Variants in RTL9 observed in about 807,000 individuals in gnomAD.
The protein encoded by RTL9 is retrotransposon Gag-like protein 9.
A neutral mutation model predicts 44.7 loss-of-function variants in RTL9; 19 were observed. That is an observed-to-expected ratio of 0.42 (90% CI 0.30 to 0.62). The LOEUF (loss-of-function observed/expected upper bound fraction) is 0.62. Among genes scored for constraint, RTL9 ranks in the 20% least tolerant of loss-of-function variants. The pLI, the probability that RTL9 is intolerant of heterozygous loss-of-function variation, is 0.16. For missense variants in RTL9, 1,105 were observed against 1,080.6 expected (o/e 1.02, Z -0.32); for synonymous variants, 407 against 398.9 (o/e 1.02, Z -0.24).
In RTL9 at chrX:110,405,098, C is replaced by A. The variant is rs192380695; in HGVS notation, c.-167-40055C>A. On this transcript the variant is annotated intron_variant, in intron 1 of 2. Coordinates refer to the RTL9 transcript ENST00000520821. Reference sequence around the variant, plus strand: ...GGTGTGCTTGTTGTGTCCCCCCCCCCCCCAAGCATGAGTCAGAGCCTTTCA... The same window carrying A: ...GGTGTGCTTGTTGTGTCCCCCCCCCACCCAAGCATGAGTCAGAGCCTTTCA... Among the ~76,000 whole-genome samples, 12 of 101,674 alleles carry A rather than the reference C, an allele frequency of 1.2e-4. 1 individual carries two copies. The highest frequency in any genetic ancestry group is 5.1e-4 in the South Asian group (1 of 1,952). The allele number at this position is 101,674 out of a possible 115,157, so 88.3% of individuals were successfully genotyped here.
At chrX:110,369,131 G>C (rs1458831252) in intron 1 of RTL9, among the ~76,000 whole-genome samples, 2 of 111,695 alleles carry the variant, frequency 1.8e-5, no homozygotes. Flanking sequence ...AGGGAATTGA[G>C]ACCATCCTGG....
chrX:110,374,924 G>A (rs2068365813), intron 1 of RTL9, among the ~76,000 whole-genome samples: 1 of 111,175 alleles, frequency 9.0e-6, no homozygotes, highest in Non-Finnish European at 1.9e-5. Flanking sequence ...ATGGGCAATT[G>A]GAAGTCCCTT....
chrX:110,360,617 T>G (rs1381677794), intron 1 of RTL9, among the ~76,000 whole-genome samples: 2 of 111,912 alleles, frequency 1.8e-5, no homozygotes, highest in Non-Finnish European at 3.8e-5. Context: ...ATTTTCAAGT[T>G]TAAGCAAATG....
chrX:110,382,587 C>T (rs1185336476), intron 1 of RTL9, among the ~76,000 whole-genome samples: 1 of 111,942 alleles, frequency 8.9e-6, no homozygotes, highest in Non-Finnish European at 1.9e-5. Flanking sequence ...AGTCTCCCTG[C>T]ATTAGAAGGC....
At chrX:110,431,023 C>T (rs898483971) in intron 1 of RTL9, among the ~76,000 whole-genome samples, 1 of 111,935 alleles carries the variant, frequency 8.9e-6, no homozygotes, top group Non-Finnish European at 1.9e-5. Context: ...TTCATAGGCC[C>T]TGAGGCTGTC....
intron 1 of RTL9, among the ~76,000 whole-genome samples, chrX:110,391,053 C>G (rs2068490739): frequency 9.0e-6 from 1 of 111,591 alleles, no homozygotes; most frequent in African/African-American, 3.3e-5. Context: ...TTCTCTTTGC[C>G]TGTTTCCTTC....
At chrX:110,379,118 C>T (rs775378744) in intron 1 of RTL9, among the ~76,000 whole-genome samples, 1 of 111,876 alleles carries the variant, frequency 8.9e-6, no homozygotes, top group South Asian at 3.8e-4. Flanking sequence ...TCATGATACT[C>T]GTTATCATAC....
At chrX:110,389,698 A>G (rs2068481754) in intron 1 of RTL9, among the ~76,000 whole-genome samples, 1 of 109,922 alleles carries the variant, frequency 9.1e-6, no homozygotes, top group Non-Finnish European at 1.9e-5. Flanking sequence ...TGAGAGTTTG[A>G]TAGAAAGGAA....
chrX:110,404,366 C>T (rs2068584084), intron 1 of RTL9, among the ~76,000 whole-genome samples: 1 of 111,733 alleles, frequency 8.9e-6, no homozygotes, highest in South Asian at 3.8e-4. Context: ...AGCTATTACA[C>T]ATAATAGGCC....
upstream of RTL9, among the ~76,000 whole-genome samples, chrX:110,446,286 T>C (rs1336931971): frequency 9.0e-6 from 1 of 111,274 alleles, no homozygotes; most frequent in Non-Finnish European, 1.9e-5. Context: ...CTAGATTACT[T>C]ATGGAATTAC....
chrX:110,453,565 T>A, exon 1 of RTL9: 1 of 1,211,867 alleles, frequency 8.3e-7, no homozygotes, highest in Non-Finnish European at 1.1e-6. Context: ...ATGGAAACCA[T>A]GGCCTCTGGA....
At chrX:110,413,078 C>T (rs1569424709) in intron 1 of RTL9, among the ~76,000 whole-genome samples, 1 of 111,668 alleles carries the variant, frequency 9.0e-6, no homozygotes, top group East Asian at 2.8e-4. Context: ...TGCTCGTCAT[C>T]TGTCCTCTCC....
At chrX:110,386,527 A>G (rs2068456321) in intron 1 of RTL9, among the ~76,000 whole-genome samples, 1 of 110,812 alleles carries the variant, frequency 9.0e-6, no homozygotes, top group Non-Finnish European at 1.9e-5. Context: ...CCATTTTTAA[A>G]TTGGGTTGTC....
upstream of RTL9, among the ~76,000 whole-genome samples, chrX:110,417,556 C>A (rs948205157): frequency 3.6e-5 from 4 of 111,899 alleles, no homozygotes; most frequent in Admixed American, 3.8e-4. Flanking sequence ...ATCTTCCCAG[C>A]AGGTTTTGTG....
chrX:110,410,527 G>T (rs1012110589), intron 1 of RTL9, among the ~76,000 whole-genome samples: 1 of 111,701 alleles, frequency 9.0e-6, no homozygotes, highest in Non-Finnish European at 1.9e-5. Context: ...GTAACTGAGG[G>T]AAAATAGGAG....
intron 1 of RTL9, among the ~76,000 whole-genome samples, chrX:110,365,270 T>C (rs1251380180): frequency 8.9e-6 from 1 of 111,801 alleles, no homozygotes; most frequent in Non-Finnish European, 1.9e-5. Flanking sequence ...GAGCCTGCAT[T>C]TTAAAACAAG....
chrX:110,454,040 C>T lies in RTL9; in HGVS notation c.3423C>T (p.Phe1141=), dbSNP rs754291618. Reference sequence around the variant, plus strand: ...CACCACCAAAGGAAGTGCCATCCTTCGGAATGTTGACCCCAGCACTCTGCT... The same window carrying T: ...CACCACCAAAGGAAGTGCCATCCTTTGGAATGTTGACCCCAGCACTCTGCT... The change falls in exon 1 of 2, where the codon TTC becomes TTT. Residue 1141 remains phenylalanine, a synonymous_variant. Transcript: ENST00000540313. The T allele has an allele frequency of 3.9e-5, 47 of 1,210,371 alleles. No individual in the cohort carries two copies. The Middle Eastern group carries it at 6.9e-4, about 18-fold the overall frequency.
chrX:110,423,139 C>A, intron 1 of RTL9, among the ~76,000 whole-genome samples: 1 of 111,074 alleles, frequency 9.0e-6, no homozygotes, highest in East Asian at 2.8e-4. Flanking sequence ...ACCAGCCTGG[C>A]CAACATGGCG....
chrX:110,425,768 G>GAA (rs2068748682), intron 1 of RTL9, among the ~76,000 whole-genome samples: 1 of 112,371 alleles, frequency 8.9e-6, no homozygotes, highest in South Asian at 3.7e-4. Flanking sequence ...CATATAGCTG[G>GAA]TTGGAGCTGG....
Sources: gnomAD v4.1 joint callset for allele counts (sites outside exome capture counted in the v4.1 genomes callset) on GRCh38, gnomAD v4.1.1 for gene constraint, MANE v1.5 for transcripts, NCBI Gene and HGNC (gene_info 2026-07-23, HGNC 2026-07-21) for gene names.